The following SUN2 variants were observed in gnomAD, a reference collection of about 807,000 sequenced individuals.
The protein encoded by SUN2 is SUN domain-containing protein 2.
In SUN2, 60 loss-of-function variants were observed where a neutral mutation model predicts 100.0. The observed-to-expected ratio is 0.60, with a 90% confidence interval of 0.49 to 0.74. The LOEUF (loss-of-function observed/expected upper bound fraction) is 0.74, where lower values mean the gene tolerates loss of function less well. Among genes scored for constraint, SUN2 ranks in the 30% least tolerant of loss-of-function variants. The pLI is 0.00. For missense variants in SUN2, 834 were observed against 954.6 expected, an observed-to-expected ratio of 0.87 and a Z score of 1.66; for synonymous variants, 367 against 403.3, an observed-to-expected ratio of 0.91 and a Z score of 1.08.
At chr22:38,736,445 G>T in intron 17 of SUN2, 65 bp from the exon 18 acceptor site, 1 of 1,384,596 alleles carries the variant, frequency 7.2e-7, no homozygotes. Context: ...CAGAGAAGGT[G>T]GGAAGGGGAG....
rs914496139 is a variant in SUN2, at chr22:38,739,146, C to T, written c.1664-158G>A. On this transcript the variant is annotated intron_variant, in intron 14 of 17. Transcript: ENST00000689035. The surrounding 1 kb of genome is among the most constrained non-coding windows in gnomAD (Gnocchi z 6.7). ...AGAGCAGCTTTAAAGGTCAGCCTCT[C>T]CCTGGCCCAGGATGGTACTCGGTAC... 2 of 927,146 alleles carry T rather than the reference C, an allele frequency of 2.2e-6. No homozygotes were observed. Among genetic ancestry groups the T allele is most frequent in the Non-Finnish European group, 3.4e-6 (2 of 594,276 alleles). 57.4% of individuals were successfully genotyped at this position (927,146 alleles called of 1,614,324 possible).
chr22:38,736,431 C>T, intron 17 of SUN2, 51 bp from the exon 18 acceptor site: 1 of 1,479,314 alleles, frequency 6.8e-7, no homozygotes, highest in South Asian at 1.2e-5. Flanking sequence ...TGAGGCCTCA[C>T]TGACAGAGAA....
chr22:38,747,331 C>CAA lies in SUN2; in HGVS notation c.685+1380_685+1381dup, dbSNP rs371350765. Among the ~76,000 whole-genome samples, 322 of 99,246 alleles carry CAA rather than the reference C, an allele frequency of 3.2e-3. 2 individuals are homozygous for CAA. The highest frequency in any genetic ancestry group is 8.6e-3 in the African/African-American group (256 of 29,626). 65.1% of individuals were successfully genotyped at this position (99,246 alleles called of 152,430 possible). A position where few individuals can be genotyped will look rare whatever the true frequency, so the allele number is the denominator to read the frequency against. ...TGGGCAACAGAGCAAAACTCCGTCT[C>CAA]AAAAAAAAAAAAAAAAAGAAGAAGA... On this transcript the variant is annotated intron_variant, in intron 7 of 17. Coordinates refer to ENST00000689035, the MANE Select transcript of SUN2 (RefSeq NM_015374.3).
At position 38,740,720 on chromosome 22, in the gene SUN2, G is replaced by A; in HGVS notation, c.1190+287C>T. 1 of 584,852 alleles carries A rather than the reference G, an allele frequency of 1.7e-6. No homozygotes were observed. Among genetic ancestry groups the A allele is most frequent in the Non-Finnish European group, 3.0e-6 (1 of 328,182 alleles). The allele number at this position is 584,852 out of a possible 1,614,324, so 36.2% of individuals were successfully genotyped here. ...ACAAGCATGGACATCTGGGGCATGA[G>A]AAGGCAGTTATGTGAGGCTGTAAGA... On this transcript the variant is annotated intron_variant, in intron 11 of 17. Coordinates refer to ENST00000689035, the MANE Select transcript of SUN2 (RefSeq NM_015374.3). This position sits in a 1 kb window ranked among gnomAD's most constrained non-coding sequence, Gnocchi z 4.8.
At chr22:38,742,952 G>A in intron 8 of SUN2, 1 of 171,726 alleles carries the variant, frequency 5.8e-6, no homozygotes, top group Non-Finnish European at 1.2e-5. Context: ...TCCTACAGGG[G>A]CAGGGGAGCC....
At position 38,740,793 on chromosome 22, in the gene SUN2, C is replaced by T. The variant is rs1225575338; in HGVS notation, c.1190+214G>A. On this transcript the variant is annotated intron_variant, in intron 11 of 17. Coordinates refer to ENST00000689035, the MANE Select transcript of SUN2 (RefSeq NM_015374.3). The surrounding 1 kb of genome is among the most constrained non-coding windows in gnomAD (Gnocchi z 4.8). ...AATCCCGGTCCTCTCACACAGCCTGCCCCCCGCCCTCAGGACCCCCCTGCT... is the reference window on the plus strand; with the variant it reads ...AATCCCGGTCCTCTCACACAGCCTGTCCCCCGCCCTCAGGACCCCCCTGCT... 27 of 604,840 alleles carry T rather than the reference C, an allele frequency of 4.5e-5. No individual in the cohort carries two copies. The highest frequency in any genetic ancestry group is 7.6e-5 in the Non-Finnish European group (26 of 341,360). The allele number at this position is 604,840 out of a possible 1,614,324, so 37.5% of individuals were successfully genotyped here. A position where few individuals can be genotyped will look rare whatever the true frequency, so the allele number is the denominator to read the frequency against.
chr22:38,737,574 G>C lies in SUN2; in HGVS notation c.2040+599C>G, dbSNP rs968681242. On this transcript the variant is annotated intron_variant, in intron 17 of 17. Coordinates refer to ENST00000689035, the MANE Select transcript of SUN2 (RefSeq NM_015374.3). The surrounding 1 kb of genome is among the most constrained non-coding windows in gnomAD (Gnocchi z 4.1). ...CTGAGGGCTTATTTCCTGCCTCTCTGTGGCCTCCTCTTCCTGCCACTGTCC... is the reference window on the plus strand; with the variant it reads ...CTGAGGGCTTATTTCCTGCCTCTCTCTGGCCTCCTCTTCCTGCCACTGTCC... 1.3e-5 allele frequency among the ~76,000 whole-genome samples: 2 copies of C among 152,076 alleles called. No individual in the cohort carries two copies. Among genetic ancestry groups the C allele is most frequent in the African/African-American group, 4.8e-5 (2 of 41,384 alleles).
At position 38,752,240 on chromosome 22, in the gene SUN2, G is replaced by A. The variant is rs954609163; in HGVS notation, c.122+267C>T. On this transcript the variant is annotated intron_variant, in intron 2 of 17. Coordinates refer to ENST00000689035, the MANE Select transcript of SUN2 (RefSeq NM_015374.3). ...CAAAGAGCTGGCATTACAGGCGTGAGCCACCGCGCCCGACCTACCACTTCC... is the reference window on the plus strand; with the variant it reads ...CAAAGAGCTGGCATTACAGGCGTGAACCACCGCGCCCGACCTACCACTTCC... Among the ~76,000 whole-genome samples, 5 of 152,224 alleles carry A rather than the reference G, an allele frequency of 3.3e-5. No homozygotes were observed. In the South Asian group the frequency reaches 1.0e-3, roughly 31 times the overall value.
Position 38,735,444 on chromosome 22 carries a change from A to C in SUN2, c.*823T>G, listed in dbSNP as rs1052642690. The C allele has an allele frequency of 1.8e-5, 6 of 326,356 alleles. No individual in the cohort carries two copies. The Admixed American group carries it at 2.2e-4, about 12-fold the overall frequency. 20.2% of individuals were successfully genotyped at this position (326,356 alleles called of 1,614,324 possible). On this transcript the variant is annotated 3_prime_UTR_variant, in exon 18 of 18. Transcript: ENST00000689035. ...TGCTAATGGCCCCAAAGACAGGTCT[A>C]GGTCTCCATACCCTGGGAGAATGTG...
chr22:38,743,911 T>C lies in SUN2; in HGVS notation c.814-1356A>G, dbSNP rs574633400. ...ACATATAATAAAATTGGAAAGACCA[T>C]GGTCTGGAAAGTAATATATACAAAA... On this transcript the variant is annotated intron_variant, in intron 8 of 17. Transcript: ENST00000689035. 6 of 152,214 alleles carry C rather than the reference T, an allele frequency of 3.9e-5. No homozygotes were observed. In the East Asian group the frequency reaches 1.2e-3, roughly 29 times the overall value. 9.4% of individuals were successfully genotyped at this position (152,214 alleles called of 1,614,324 possible). A position where few individuals can be genotyped will look rare whatever the true frequency, so the allele number is the denominator to read the frequency against.
At position 38,739,700 on chromosome 22, in the gene SUN2, G is replaced by T. The variant is rs752629664; in HGVS notation, c.1578+22C>A. On this transcript the variant is annotated intron_variant, in intron 13 of 17. Transcript: ENST00000689035. The surrounding 1 kb of genome is among the most constrained non-coding windows in gnomAD (Gnocchi z 6.7). Reference sequence around the variant, plus strand: ...GAGGAGAGCTGTGGGTGGGTGTGTGGAGAGGGGCATGTGGGCCTCACCTCC... The same window carrying T: ...GAGGAGAGCTGTGGGTGGGTGTGTGTAGAGGGGCATGTGGGCCTCACCTCC... The T allele has an allele frequency of 1.2e-6, 2 of 1,609,334 alleles. No individual in the cohort carries two copies. Among genetic ancestry groups the T allele is most frequent in the Admixed American group, 1.7e-5 (1 of 59,902 alleles).
In SUN2 at chr22:38,755,672, C is replaced by A. The variant is rs1488882668; in HGVS notation, c.-38+91G>T. 3.3e-5 allele frequency: 32 copies of A among 977,724 alleles called. No individual in the cohort carries two copies. Among genetic ancestry groups the A allele is most frequent in the Middle Eastern group, 5.2e-4 (1 of 1,922 alleles). The allele number at this position is 977,724 out of a possible 1,614,324, so 60.6% of individuals were successfully genotyped here. On this transcript the variant is annotated intron_variant, in intron 1 of 17. Coordinates refer to ENST00000689035, the MANE Select transcript of SUN2 (RefSeq NM_015374.3). This position sits in a 1 kb window ranked among gnomAD's most constrained non-coding sequence, Gnocchi z 5.7. ...CCCGGAGAGGAGGAAGCAGGCCTGG[C>A]GGCGCGGCCCCGCCCGAGTGGCCCG...
chr22:38,754,969 G>C, intron 1 of SUN2: 1 of 1,289,194 alleles, frequency 7.8e-7, no homozygotes, highest in Non-Finnish European at 1.0e-6. Flanking sequence ...GAGCCTCTGG[G>C]AGCTGAAATC....
At position 38,755,581 on chromosome 22, in the gene SUN2, G is replaced by A; in HGVS notation, c.-38+182C>T. ...ACCAGTGGCGCGGCAGGCGGGGCGG[G>A]GGCCAGGAGGTGAGTCAGGGCGCGG... On this transcript the variant is annotated intron_variant, in intron 1 of 17. Coordinates refer to ENST00000689035, the MANE Select transcript of SUN2 (RefSeq NM_015374.3). The surrounding 1 kb of genome is among the most constrained non-coding windows in gnomAD (Gnocchi z 5.7). 1 of 950,142 alleles carries A rather than the reference G, an allele frequency of 1.1e-6. No homozygotes were observed. Among genetic ancestry groups the A allele is most frequent in the African/African-American group, 1.8e-5 (1 of 56,646 alleles). The allele number at this position is 950,142 out of a possible 1,614,324, so 58.9% of individuals were successfully genotyped here.
In SUN2 at chr22:38,736,050, G is replaced by T. The variant is rs2092801883; in HGVS notation, c.*217C>A. 1.6e-6 allele frequency: 1 copy of T among 606,596 alleles called. No individual in the cohort carries two copies. Among genetic ancestry groups the T allele is most frequent in the Non-Finnish European group, 3.0e-6 (1 of 328,726 alleles). The allele number at this position is 606,596 out of a possible 1,614,324, so 37.6% of individuals were successfully genotyped here. On this transcript the variant is annotated 3_prime_UTR_variant, in exon 18 of 18. Coordinates refer to ENST00000689035, the MANE Select transcript of SUN2 (RefSeq NM_015374.3). ...CCAGGATGGGAAGCAGACGCCACGG[G>T]CACAGAGGGAAGGAAGAAGGGAGCT...
At position 38,755,384 on chromosome 22, in the gene SUN2, G is replaced by A; in HGVS notation, c.-38+379C>T. On this transcript the variant is annotated intron_variant, in intron 1 of 17. Coordinates refer to ENST00000689035, the MANE Select transcript of SUN2 (RefSeq NM_015374.3). This position sits in a 1 kb window ranked among gnomAD's most constrained non-coding sequence, Gnocchi z 5.7. ...TGAACAAAACGGGCCTTCCTCTGAG[G>A]CCCTGAGTTCTGACAGGCAGAGGCT... 4 of 1,011,396 alleles carry A rather than the reference G, an allele frequency of 4.0e-6. No individual in the cohort carries two copies. Among genetic ancestry groups the A allele is most frequent in the Non-Finnish European group, 4.7e-6 (4 of 843,208 alleles). 62.7% of individuals were successfully genotyped at this position (1,011,396 alleles called of 1,614,324 possible).
chr22:38,742,632 C>T, intron 8 of SUN2, 77 bp from the exon 9 acceptor site: 2 of 1,498,404 alleles, frequency 1.3e-6, no homozygotes, highest in South Asian at 2.5e-5. Context: ...CCCGACACAG[C>T]CAACACAGAA....
chr22:38,746,803 G>C (rs1381993715), intron 7 of SUN2, among the ~76,000 whole-genome samples: 1 of 150,496 alleles, frequency 6.6e-6, no homozygotes. Flanking sequence ...AGGCCGAGGC[G>C]GGTGGATCAC....
chr22:38,748,719 T>G lies in SUN2; in HGVS notation c.679A>C (p.Thr227Pro), dbSNP rs1434367308. ...LLPLLLLTCL[T>P]YGAWYFYPYG... ...TCTCCCCATGCAGGCTCACCATACG[T>G]CAGGCACGTCAGCAAGAGCAGCGGC... The change falls in exon 7 of 18, where the codon ACG (threonine) becomes CCG (proline). Residue 227 changes from threonine (T) to proline (P), a missense_variant. This residue lies in a region of SUN2 where 559 missense variants were observed against 597.7 expected (regional missense o/e 0.94). Transcript: ENST00000689035. 6.2e-7 allele frequency: 1 copy of G among 1,614,190 alleles called. No homozygotes were observed.
Sources: gnomAD v4.1 joint callset for allele counts (sites outside exome capture counted in the v4.1 genomes callset) on GRCh38, gnomAD v4.1.1 for gene constraint, gnomAD v4.1.1 regional missense constraint, Gnocchi (gnomAD v3.1) non-coding constraint, MANE v1.5 for transcripts, NCBI Gene and HGNC (gene_info 2026-07-23, HGNC 2026-07-21) for gene names.